POC1B: variants seen among roughly 807,000 people sequenced by gnomAD.
POC1B encodes the protein POC1 centriolar protein homolog B.
In POC1B, 44 loss-of-function variants were observed where a neutral mutation model predicts 60.6. The observed-to-expected ratio is 0.73, with a 90% confidence interval of 0.57 to 0.93. The LOEUF (loss-of-function observed/expected upper bound fraction) is 0.93. Ranked by LOEUF, POC1B falls within the 40% of genes least tolerant of loss-of-function variation. The pLI, the probability that POC1B is intolerant of heterozygous loss-of-function variation, is 0.00. For missense variants in POC1B, 555 were observed against 572.3 expected, an observed-to-expected ratio of 0.97 and a Z score of 0.31; for synonymous variants, 180 against 198.9, an observed-to-expected ratio of 0.90 and a Z score of 0.80.
At position 89,517,357 on chromosome 12, in the gene POC1B, G is replaced by A. The variant is rs189777610; in HGVS notation, c.100+7763C>T. ...CCTTTAAAAAGCACTCTATGGCTGG[G>A]TGCAGTGGCTCACAACTGTAATCCC... On this transcript the variant is annotated intron_variant, in intron 2 of 11. Transcript: ENST00000313546. Among the ~76,000 whole-genome samples, 8 of 152,258 alleles carry A rather than the reference G, an allele frequency of 5.3e-5. No individual in the cohort carries two copies. In the East Asian group the frequency reaches 1.3e-3, roughly 26 times the overall value.
chr12:89,458,109 A>G (rs1882329377), intron 10 of POC1B, among the ~76,000 whole-genome samples: 1 of 152,192 alleles, frequency 6.6e-6, no homozygotes. Context: ...GGTGGACCAA[A>G]GATTTTTAAT....
intron 4 of POC1B, among the ~76,000 whole-genome samples, chr12:89,490,519 AT>A (rs1489935389): frequency 6.6e-6 from 1 of 151,984 alleles, no homozygotes; most frequent in African/African-American, 2.4e-5. Context: ...TAATTTTTGT[AT>A]TTTTAGTAGA....
intron 10 of POC1B, chr12:89,429,593 T>C (rs553624097): frequency 5.3e-5 from 8 of 152,306 alleles, no homozygotes; most frequent in African/African-American, 1.9e-4. Flanking sequence ...TGAGCATCTA[T>C]CTATACATAC....
the POC1B span, among the ~76,000 whole-genome samples, chr12:89,408,647 C>T: frequency 0.043 from 6,480 of 152,028 alleles, 371 homozygotes; most frequent in East Asian, 0.25. Flanking sequence ...CCACCACGCC[C>T]GGCTAATTTT....
intron 2 of POC1B, chr12:89,521,525 A>C (rs1870873168): frequency 6.5e-6 from 1 of 153,514 alleles, no homozygotes; most frequent in African/African-American, 2.4e-5. Context: ...TATTGTAAAG[A>C]TTGCACAGTG....
At chr12:89,423,774 A>G (rs1880643011) in intron 11 of POC1B, among the ~76,000 whole-genome samples, 1 of 152,232 alleles carries the variant, frequency 6.6e-6, no homozygotes, top group African/African-American at 2.4e-5. Context: ...AAAATCATAG[A>G]GAAATTCAGT....
chr12:89,509,846 T>C (rs1432200243), intron 2 of POC1B, among the ~76,000 whole-genome samples: 2 of 152,132 alleles, frequency 1.3e-5, no homozygotes, highest in Admixed American at 1.3e-4. Flanking sequence ...GAGTTCAGGA[T>C]TCAATTTTGG....
rs77837475 is a variant in POC1B, at chr12:89,451,676, T to A, written c.1113+7962A>T. Among the ~76,000 whole-genome samples, 3 of 152,314 alleles carry A rather than the reference T, an allele frequency of 2.0e-5. No homozygotes were observed. In the South Asian group the frequency reaches 6.2e-4, roughly 32 times the overall value. On this transcript the variant is annotated intron_variant, in intron 10 of 11. Transcript: ENST00000313546. ...TAAATCTTTAGAAGCCCTAATAATATGTTTTACATAGTGTGACAGCATAAA... is the reference window on the plus strand; with the variant it reads ...TAAATCTTTAGAAGCCCTAATAATAAGTTTTACATAGTGTGACAGCATAAA...
rs1393232059 is a variant in POC1B at position 89,419,892 on chromosome 12, G to T, written c.*1261C>A. On this transcript the variant is annotated 3_prime_UTR_variant, in exon 12 of 12. Coordinates refer to ENST00000313546, the MANE Select transcript of POC1B (RefSeq NM_172240.3). ...CTCACACTTAGTATGATATTAAAAGGCACTTATAACACACAATAAGATACT... is the reference window on the plus strand; with the variant it reads ...CTCACACTTAGTATGATATTAAAAGTCACTTATAACACACAATAAGATACT... 6.6e-6 allele frequency: 1 copy of T among 152,068 alleles called. No individual in the cohort carries two copies. The highest frequency in any genetic ancestry group is 1.5e-5 in the Non-Finnish European group (1 of 68,020). The allele number at this position is 152,068 out of a possible 1,614,324, so 9.4% of individuals were successfully genotyped here. A position where few individuals can be genotyped will look rare whatever the true frequency, so the allele number is the denominator to read the frequency against.
At chr12:89,431,328 T>C (rs749022847) in intron 10 of POC1B, among the ~76,000 whole-genome samples, 2 of 152,176 alleles carry the variant, frequency 1.3e-5, no homozygotes, top group Admixed American at 6.5e-5. Flanking sequence ...GGGAAGGTCA[T>C]TTGTCAGAGA....
intron 2 of POC1B, chr12:89,500,038 TG>T: frequency 8.9e-7 from 1 of 1,127,144 alleles, no homozygotes; most frequent in Non-Finnish European, 1.3e-6. Context: ...CCTGGAGCTG[TG>T]GTCTGTGTGG....
intron 11 of POC1B, among the ~76,000 whole-genome samples, chr12:89,423,462 A>G (rs901299397): frequency 6.6e-6 from 1 of 152,116 alleles, no homozygotes; most frequent in Admixed American, 6.5e-5. Context: ...ATACATTATC[A>G]CAGTTCCAAA....
chr12:89,473,312 G>T (rs896268173), intron 4 of POC1B, among the ~76,000 whole-genome samples: 2 of 152,172 alleles, frequency 1.3e-5, no homozygotes, highest in African/African-American at 2.4e-5. Flanking sequence ...CAGAAACTTT[G>T]CATCTGGCGT....
At chr12:89,517,962 G>T (rs573693634) in intron 2 of POC1B, among the ~76,000 whole-genome samples, 26 of 152,146 alleles carry the variant, frequency 1.7e-4, no homozygotes, top group Non-Finnish European at 3.2e-4. Context: ...CCAGACACCC[G>T]AAGACACTGC....
intron 2 of POC1B, chr12:89,501,962 G>A: frequency 6.1e-6 from 6 of 980,110 alleles, no homozygotes; most frequent in Non-Finnish European, 1.0e-5. Flanking sequence ...CCATTGGAAA[G>A]TGATGAGGCA....
At position 89,524,443 on chromosome 12, in the gene POC1B, G is replaced by A. The variant is rs780766686; in HGVS notation, c.100+677C>T. The A allele has an allele frequency of 1.6e-5, 26 of 1,613,906 alleles. No individual in the cohort carries two copies. The South Asian group carries it at 2.9e-4, about 18-fold the overall frequency. On this transcript the variant is annotated intron_variant, in intron 2 of 11. Coordinates refer to ENST00000313546, the MANE Select transcript of POC1B (RefSeq NM_172240.3). The stretch of plus-strand genomic sequence containing the variant: ...CAGCTCCCTGGCACGGCCGGCTCCT[G>A]CGGAGGCATGAAAAGTAGAGACCAA...
the POC1B span, among the ~76,000 whole-genome samples, chr12:89,405,104 C>G: frequency 1.3e-5 from 2 of 152,116 alleles, no homozygotes; most frequent in African/African-American, 2.4e-5. Context: ...AATGATCAAA[C>G]ATTTTTCTAC....
At chr12:89,438,617 C>G (rs929626544) in intron 10 of POC1B, among the ~76,000 whole-genome samples, 2 of 152,252 alleles carry the variant, frequency 1.3e-5, no homozygotes, top group Admixed American at 1.3e-4. Context: ...TGACACCATA[C>G]TCTTTGGCTT....
chr12:89,466,624 T>G (rs1882693710), intron 9 of POC1B, 146 bp downstream of exon 9: 1 of 705,538 alleles, frequency 1.4e-6, no homozygotes, highest in Non-Finnish European at 2.2e-6. Flanking sequence ...TATTACACAC[T>G]ATAGTGAAAA....
Sources: allele counts gnomAD v4.1 joint callset (sites outside exome capture counted in the v4.1 genomes callset), GRCh38; gene constraint gnomAD v4.1.1; transcripts MANE v1.5; gene names NCBI Gene and HGNC (gene_info 2026-07-23, HGNC 2026-07-21).